PISD: variants seen among roughly 807,000 people sequenced by gnomAD.
PISD encodes the protein phosphatidylserine decarboxylase.
In PISD, 31 loss-of-function variants were observed where a neutral mutation model predicts 43.5. The ratio of observed to expected loss-of-function variants is 0.71; its 90% CI spans 0.54 to 0.96. The LOEUF is 0.96. PISD is among the 40% of genes least tolerant of loss of function. The probability of loss-of-function intolerance (pLI) is 0.00; values close to 1 mark genes in which losing one functional copy is unlikely to be tolerated. For synonymous variants in PISD, 259 were observed against 228.7 expected (o/e 1.13, Z -1.20); for missense variants, 523 against 548.4 (o/e 0.95, Z 0.46).
chr22:31,661,830 G>C (rs2074326804), intron 1 of PISD, among the ~76,000 whole-genome samples: 1 of 152,106 alleles, frequency 6.6e-6, no homozygotes, highest in African/African-American at 2.4e-5. Flanking sequence ...CGAGAAAATG[G>C]CATCTGAACA....
intron 1 of PISD, among the ~76,000 whole-genome samples, chr22:31,658,521 C>T (rs1414182510): frequency 6.6e-6 from 1 of 151,342 alleles, no homozygotes; most frequent in Non-Finnish European, 1.5e-5. Context: ...TAGTCTGTCT[C>T]CATGGCATCC....
chr22:31,642,309 G>C lies in PISD; in HGVS notation c.321+5792C>G, dbSNP rs1254043996. On this transcript the variant is annotated intron_variant, in intron 3 of 7. Coordinates refer to ENST00000439502, the MANE Select transcript of PISD (RefSeq NM_001326411.2). ...AAAAAATAAAAAATTAGCTGAGTGT[G>C]GTGGTGGTGCATGCCTGTGCACCAT... Among the ~76,000 whole-genome samples, 2 of 150,834 alleles carry C rather than the reference G, an allele frequency of 1.3e-5. 1 individual carries two copies. Among genetic ancestry groups the C allele is most frequent in the African/African-American group, 5.0e-5 (2 of 40,276 alleles).
At chr22:31,648,063 C>A (rs1297049739) in intron 3 of PISD, 38 bp downstream of exon 3, 5 of 1,554,752 alleles carry the variant, frequency 3.2e-6, no homozygotes, top group Non-Finnish European at 4.4e-6. Context: ...ACAAAGTTTG[C>A]TGGACGAGAA....
At chr22:31,620,769 A>G (rs747323137) in intron 6 of PISD, 56 bp from the exon 7 acceptor site, 23 of 1,597,618 alleles carry the variant, frequency 1.4e-5, no homozygotes, top group Non-Finnish European at 2.0e-5. Flanking sequence ...TGTCCACCCC[A>G]TGGCAGCCAA....
chr22:31,621,849 AC>A lies in PISD; in HGVS notation c.357del (p.Ser120HisfsTer30), dbSNP rs1359139278. 6.2e-7 allele frequency: 1 copy of A among 1,611,486 alleles called. No individual in the cohort carries two copies. ...TGATTGAGGCGACCCCAGGCCCGTG[AC>A]AGCAAGCGCGTTGGCACTGACTTGT... ...ALYKSVPTRL[L>X]SRAWGRLNQV... On this transcript the variant is annotated frameshift_variant, in exon 4 of 8. Transcript: ENST00000439502. LOFTEE classifies it high-confidence loss of function.
At chr22:31,655,972 C>G (rs1309739357) in intron 1 of PISD, among the ~76,000 whole-genome samples, 1 of 152,050 alleles carries the variant, frequency 6.6e-6, no homozygotes, top group Non-Finnish European at 1.5e-5. Flanking sequence ...TTCTCATCAT[C>G]CACATTCAAT....
At chr22:31,658,852 TTTC>T (rs2074247517) in intron 1 of PISD, among the ~76,000 whole-genome samples, 1 of 148,988 alleles carries the variant, frequency 6.7e-6, no homozygotes, top group Non-Finnish European at 1.5e-5. Context: ...ATTTTTTCTT[TTTC>T]TTTTTTTTTT....
intron 3 of PISD, among the ~76,000 whole-genome samples, chr22:31,635,733 G>T (rs533550706): frequency 4.4e-4 from 67 of 152,172 alleles, no homozygotes; most frequent in Non-Finnish European, 8.2e-4. Flanking sequence ...CGCCCTCTGC[G>T]ATCTCCTCCT....
chr22:31,634,762 T>C (rs5994416), intron 3 of PISD, among the ~76,000 whole-genome samples: 22,299 of 136,120 alleles, frequency 0.16, 2,145 homozygotes, highest in African/African-American at 0.3. Flanking sequence ...CGCTTGAACC[T>C]AGGAAGCAGA....
At position 31,640,880 on chromosome 22, in the gene PISD, GTT is replaced by G. The variant is rs1214973570; in HGVS notation, c.321+7219_321+7220del. Among the ~76,000 whole-genome samples the G allele has an allele frequency of 6.1e-3, 149 of 24,598 alleles. 4 individuals are homozygous for G. Among genetic ancestry groups the G allele is most frequent in the East Asian group, 0.017 (11 of 646 alleles). The allele number at this position is 24,598 out of a possible 152,430, so 16.1% of individuals were successfully genotyped here. On this transcript the variant is annotated intron_variant, in intron 3 of 7. Coordinates refer to ENST00000439502, the MANE Select transcript of PISD (RefSeq NM_001326411.2). ...ACAGGCATGAGCCACCACACCCGGT[GTT>G]TTTTTTTTTTTTTTTTTTTTTTGAG...
intron 1 of PISD, among the ~76,000 whole-genome samples, chr22:31,652,447 T>C (rs535606031): frequency 1.2e-4 from 19 of 152,164 alleles, no homozygotes; most frequent in African/African-American, 4.1e-4. Flanking sequence ...ATGTCTTGTA[T>C]AGATATCCTA....
At chr22:31,655,020 G>A (rs1401146857) in intron 1 of PISD, among the ~76,000 whole-genome samples, 1 of 146,610 alleles carries the variant, frequency 6.8e-6, no homozygotes, top group Admixed American at 7.1e-5. Flanking sequence ...AGGTTGCAGT[G>A]AGCCGAGATC....
intron 3 of PISD, among the ~76,000 whole-genome samples, chr22:31,644,053 AAAAAAC>A (rs1338277492): frequency 6.6e-6 from 1 of 151,386 alleles, no homozygotes; most frequent in African/African-American, 2.4e-5. Flanking sequence ...GTCTCAAAAA[AAAAAAC>A]AAAAACAAAA....
At position 31,630,868 on chromosome 22, in the gene PISD, G is replaced by A; in HGVS notation, c.322-8983C>T. On this transcript the variant is annotated intron_variant, in intron 3 of 7. Coordinates refer to ENST00000439502, the MANE Select transcript of PISD (RefSeq NM_001326411.2). The surrounding 1 kb of genome is among the most constrained non-coding windows in gnomAD (Gnocchi z 4.4). ...GGCGCTCCCGGAGCCGGGAAGCCTTGGGGCGAGTGGGCGGGGCTCGGGCTC... is the reference window on the plus strand; with the variant it reads ...GGCGCTCCCGGAGCCGGGAAGCCTTAGGGCGAGTGGGCGGGGCTCGGGCTC... The A allele has an allele frequency of 7.1e-6, 7 of 985,434 alleles. No individual in the cohort carries two copies. Among genetic ancestry groups the A allele is most frequent in the Non-Finnish European group, 7.2e-6 (6 of 829,912 alleles). 61.0% of individuals were successfully genotyped at this position (985,434 alleles called of 1,614,324 possible). A position where few individuals can be genotyped will look rare whatever the true frequency, so the allele number is the denominator to read the frequency against.
chr22:31,650,698 C>T lies in PISD; in HGVS notation c.145+1G>A, dbSNP rs932474036. 1 of 1,537,554 alleles carries T rather than the reference C, an allele frequency of 6.5e-7. No individual in the cohort carries two copies. Among genetic ancestry groups the T allele is most frequent in the African/African-American group, 1.4e-5 (1 of 72,796 alleles). On this transcript the variant is annotated splice_donor_variant, in intron 2 of 7. Coordinates refer to ENST00000439502, the MANE Select transcript of PISD (RefSeq NM_001326411.2). LOFTEE classifies it high-confidence loss of function. ...CACCACCATCTCTAATTGCTCCTTA[C>T]CTGTGCGAAAGGCTCTAAAAGGCAG...
intron 3 of PISD, among the ~76,000 whole-genome samples, chr22:31,642,585 GA>G (rs1047086780): frequency 2.7e-4 from 40 of 150,762 alleles, no homozygotes; most frequent in Non-Finnish European, 1.5e-5. Flanking sequence ...ACAAGGTCAG[GA>G]AATTGAGAGC....
chr22:31,642,433 C>T lies in PISD; in HGVS notation c.321+5668G>A, dbSNP rs969794524. 4.8e-4 allele frequency among the ~76,000 whole-genome samples: 72 copies of T among 150,880 alleles called. 5 individuals are homozygous for T. Among genetic ancestry groups the T allele is most frequent in the African/African-American group, 1.7e-3 (69 of 40,338 alleles). On this transcript the variant is annotated intron_variant, in intron 3 of 7. Transcript: ENST00000439502. Reference sequence around the variant, plus strand: ...CTGTGCCACTGCACTCCAGTCTGGGCAACACAGCAAGAGCCTGCCTCAAAA... The same window carrying T: ...CTGTGCCACTGCACTCCAGTCTGGGTAACACAGCAAGAGCCTGCCTCAAAA...
chr22:31,624,925 A>AC (rs1357881158), intron 3 of PISD, among the ~76,000 whole-genome samples: 1 of 152,066 alleles, frequency 6.6e-6, no homozygotes, highest in Non-Finnish European at 1.5e-5. Flanking sequence ...AACAAGGCCC[A>AC]CCCCACCCTG....
intron 3 of PISD, chr22:31,623,960 G>C: frequency 1.0e-6 from 1 of 967,324 alleles, no homozygotes; most frequent in Non-Finnish European, 1.5e-6. Flanking sequence ...CCCACCCTTG[G>C]CAAGCTGCCT....
Sources: allele counts gnomAD v4.1 joint callset (sites outside exome capture counted in the v4.1 genomes callset), GRCh38; gene constraint gnomAD v4.1.1; non-coding constraint Gnocchi (gnomAD v3.1); transcripts MANE v1.5; gene names NCBI Gene and HGNC (gene_info 2026-07-23, HGNC 2026-07-21).